The following SORCS1 variants were observed in gnomAD, a reference collection of about 807,000 sequenced individuals.
SORCS1 encodes sortilin related VPS10 domain containing receptor 1.
SORCS1 carries 60 observed loss-of-function variants against 146.1 expected under a neutral mutation model. The ratio of observed to expected loss-of-function variants is 0.41; its 90% CI spans 0.33 to 0.51. SORCS1 has a LOEUF of 0.51. SORCS1 is among the 20% of genes least tolerant of loss of function. SORCS1 has a pLI of 0.21. For synonymous variants in SORCS1, 637 were observed against 584.0 expected, an observed-to-expected ratio of 1.09 and a Z score of -1.31; for missense variants, 1,352 against 1,487.6, an observed-to-expected ratio of 0.91 and a Z score of 1.50.
intron 7 of SORCS1, among the ~76,000 whole-genome samples, chr10:106,707,900 T>C (rs1854649227): frequency 6.6e-6 from 1 of 152,142 alleles, no homozygotes; most frequent in East Asian, 1.9e-4. Context: ...TGTCAACAAA[T>C]GCGCATGTTC....
Position 107,000,277 on chromosome 10 carries a change from C to A in SORCS1, c.559-43697G>T, listed in dbSNP as rs577939258. Among the ~76,000 whole-genome samples, 12 of 152,232 alleles carry A rather than the reference C, an allele frequency of 7.9e-5. No homozygotes were observed. In the South Asian group the frequency reaches 2.5e-3, roughly 32 times the overall value. ...ATGCTCCCATCTTTCCCCCCAAAACCGGCTGAAATGTTGGGAAGATTTTTA... is the reference window on the plus strand; with the variant it reads ...ATGCTCCCATCTTTCCCCCCAAAACAGGCTGAAATGTTGGGAAGATTTTTA... On this transcript the variant is annotated intron_variant, in intron 1 of 25. Coordinates refer to ENST00000263054, the MANE Select transcript of SORCS1 (RefSeq NM_052918.5).
At chr10:106,891,162 A>T (rs1951214007) in intron 2 of SORCS1, among the ~76,000 whole-genome samples, 1 of 152,168 alleles carries the variant, frequency 6.6e-6, no homozygotes, top group Non-Finnish European at 1.5e-5. Context: ...AAGAGTGCTA[A>T]GAAACAGAAT....
intron 6 of SORCS1, among the ~76,000 whole-genome samples, chr10:106,720,019 A>G (rs570202314): frequency 6.6e-6 from 1 of 152,286 alleles, no homozygotes; most frequent in East Asian, 1.9e-4. Flanking sequence ...CTTAAATACC[A>G]AATGCCACCT....
chr10:107,044,814 T>TAAAAAAAAAAAA, intron 1 of SORCS1, among the ~76,000 whole-genome samples: 1 of 90,288 alleles, frequency 1.1e-5, no homozygotes, highest in Non-Finnish European at 2.2e-5. Flanking sequence ...TGTGTCTCAA[T>TAAAAAAAAAAAA]AAAAAAAAAA....
intron 9 of SORCS1, among the ~76,000 whole-genome samples, chr10:106,694,212 A>G (rs1180263217): frequency 1.3e-5 from 2 of 152,054 alleles, no homozygotes; most frequent in African/African-American, 2.4e-5. Context: ...TCCTCCTCAA[A>G]CAGCACTCTC....
At chr10:106,993,844 T>C (rs1956874348) in intron 1 of SORCS1, among the ~76,000 whole-genome samples, 1 of 151,786 alleles carries the variant, frequency 6.6e-6, no homozygotes, top group Non-Finnish European at 1.5e-5. Context: ...GAGGCTGAGG[T>C]GGGCAGATTG....
intron 2 of SORCS1, among the ~76,000 whole-genome samples, chr10:106,869,852 C>T (rs1950343125): frequency 6.6e-6 from 1 of 151,968 alleles, no homozygotes; most frequent in Admixed American, 6.6e-5. Context: ...AGAAATCAGG[C>T]AAGGGAAAGA....
chr10:106,634,489 T>C (rs1848619096), intron 18 of SORCS1, among the ~76,000 whole-genome samples: 1 of 152,224 alleles, frequency 6.6e-6, no homozygotes, highest in Non-Finnish European at 1.5e-5. Flanking sequence ...CGCAGCTAGT[T>C]AGACACCTGC....
intron 3 of SORCS1, among the ~76,000 whole-genome samples, chr10:106,813,128 C>CTTTTTTTTTTTTTTTTTTTTTTTT (rs71025557): frequency 3.0e-5 from 3 of 98,746 alleles, no homozygotes; most frequent in East Asian, 2.6e-4. Flanking sequence ...CTTCTCTTTT[C>CTTTTTTTTTTTTTTTTTTTTTTTT]TTTTTTTTTT....
chr10:106,588,888 A>AAAG (rs1564748831), intron 24 of SORCS1, among the ~76,000 whole-genome samples: 12 of 148,644 alleles, frequency 8.1e-5, no homozygotes, highest in Non-Finnish European at 1.3e-4. Context: ...AAAAAAAAAA[A>AAAG]AAGAAGATTC....
chr10:106,658,133 G>C lies in SORCS1; in HGVS notation c.2304-5580C>G, dbSNP rs568817162. On this transcript the variant is annotated intron_variant, in intron 17 of 25. Coordinates refer to ENST00000263054, the MANE Select transcript of SORCS1 (RefSeq NM_052918.5). ...AAATTTCCCATGGGCTTATTCTAAA[G>C]AGTAAAGTTCAGGTTTAAAGTAAAG... is the stretch of plus-strand genomic sequence containing the variant. Among the ~76,000 whole-genome samples the C allele has an allele frequency of 1.6e-4, 25 of 152,102 alleles. No individual in the cohort carries two copies. The South Asian group carries it at 5.0e-3, about 30-fold the overall frequency.
At chr10:106,656,551 G>T (rs1006017719) in intron 17 of SORCS1, among the ~76,000 whole-genome samples, 5 of 150,880 alleles carry the variant, frequency 3.3e-5, no homozygotes, top group African/African-American at 1.2e-4. Context: ...CTCAAAAAAA[G>T]AAAAAAGAAA....
chr10:106,744,316 A>G (rs1857566885), intron 5 of SORCS1, among the ~76,000 whole-genome samples: 1 of 152,164 alleles, frequency 6.6e-6, no homozygotes, highest in Non-Finnish European at 1.5e-5. Flanking sequence ...CGTGTTAGCC[A>G]GGATGGTCTC....
chr10:106,612,991 ACTACC>A (rs1467177926), intron 21 of SORCS1, among the ~76,000 whole-genome samples: 1 of 151,918 alleles, frequency 6.6e-6, no homozygotes, highest in East Asian at 1.9e-4. Flanking sequence ...CCCCCGGCTC[ACTACC>A]CTCCCCCATC....
intron 2 of SORCS1, among the ~76,000 whole-genome samples, chr10:106,916,491 A>C (rs1357374636): frequency 2.7e-5 from 4 of 148,004 alleles, no homozygotes; most frequent in African/African-American, 9.8e-5. Flanking sequence ...TATTATATAC[A>C]TATATAATTA....
chr10:106,952,739 G>A (rs1234076734), intron 2 of SORCS1, among the ~76,000 whole-genome samples: 1 of 151,502 alleles, frequency 6.6e-6, no homozygotes, highest in Non-Finnish European at 1.5e-5. Flanking sequence ...AGTTTGGGAG[G>A]CTGAGGTGGG....
In SORCS1 at chr10:107,043,843, T is replaced by C. The variant is rs77916769; in HGVS notation, c.559-87263A>G. On this transcript the variant is annotated intron_variant, in intron 1 of 25. Transcript: ENST00000263054. ...ATAAAAAGCTCCATAAAGGAAGATC[T>C]GTGTCTATGTTCAACACATAGTCAT... 4.0e-3 allele frequency among the ~76,000 whole-genome samples: 609 copies of C among 152,332 alleles called. 4 individuals carry two copies. Among genetic ancestry groups the C allele is most frequent in the African/African-American group, 0.013 (540 of 41,568 alleles).
intron 3 of SORCS1, among the ~76,000 whole-genome samples, chr10:106,813,763 T>G (rs917967798): frequency 6.6e-6 from 1 of 152,064 alleles, no homozygotes; most frequent in South Asian, 2.1e-4. Context: ...AGGGAGACCA[T>G]GTACCTACAA....
Position 106,679,341 on chromosome 10 carries a change from A to G in SORCS1, c.1664-9T>C. 6.2e-7 allele frequency: 1 copy of G among 1,606,364 alleles called. No homozygotes were observed. The highest frequency in any genetic ancestry group is 8.5e-7 in the Non-Finnish European group (1 of 1,174,660). Reference sequence around the variant, plus strand: ...TTCAGAACCTATATTACCTAGAAAGAGAAAGGTGCCATTAGTGAAAAGAAC... The same window carrying G: ...TTCAGAACCTATATTACCTAGAAAGGGAAAGGTGCCATTAGTGAAAAGAAC... On this transcript the variant is annotated splice_polypyrimidine_tract_variant and intron_variant, in intron 11 of 25. Transcript: ENST00000263054.
Sources: allele counts gnomAD v4.1 joint callset (sites outside exome capture counted in the v4.1 genomes callset), GRCh38; gene constraint gnomAD v4.1.1; transcripts MANE v1.5; gene names NCBI Gene and HGNC (gene_info 2026-07-23, HGNC 2026-07-21).